The following ZNF382 variants were observed in gnomAD, a reference collection of about 807,000 sequenced individuals.
The protein encoded by ZNF382 is zinc finger protein 382, also known as KRAB/zinc finger suppressor protein 1.
ZNF382 carries 20 observed loss-of-function variants against 38.8 expected under a neutral mutation model. The ratio of observed to expected loss-of-function variants is 0.51; its 90% confidence interval spans 0.36 to 0.75. ZNF382 has a LOEUF of 0.75. ZNF382 is among the 30% of genes least tolerant of loss of function. ZNF382 has a pLI of 0.00. For synonymous variants in ZNF382, 202 were observed against 223.1 expected, an observed-to-expected ratio of 0.91 and a Z score of 0.84; for missense variants, 546 against 654.1, an observed-to-expected ratio of 0.83 and a Z score of 1.80.
chr19:36,616,373 C>G (rs2037126169), intron 4 of ZNF382, among the ~76,000 whole-genome samples: 1 of 152,132 alleles, frequency 6.6e-6, no homozygotes, highest in Non-Finnish European at 1.5e-5. Flanking sequence ...CTCTAAATAA[C>G]TAAAATGTTT....
chr19:36,621,229 C>T (rs28738786), intron 4 of ZNF382, among the ~76,000 whole-genome samples: 12 of 150,614 alleles, frequency 8.0e-5, no homozygotes, highest in Non-Finnish European at 1.8e-4. Context: ...TTCTTATATT[C>T]TGATTTGCCA....
rs2037255791 is a variant in ZNF382, at chr19:36,631,786, C to T, written c.*4236C>T. The T allele has an allele frequency of 6.6e-6, 1 of 152,082 alleles. No homozygotes were observed. Among genetic ancestry groups the T allele is most frequent in the Non-Finnish European group, 1.5e-5 (1 of 68,042 alleles). The allele number at this position is 152,082 out of a possible 1,614,324, so 9.4% of individuals were successfully genotyped here. On this transcript the variant is annotated 3_prime_UTR_variant, in exon 5 of 5. Transcript: ENST00000292928. ...TTTTTCATCTAACTTATATATTGCT[C>T]AATGAAGTTTGGGCAACTCTAAGGA...
intron 4 of ZNF382, among the ~76,000 whole-genome samples, chr19:36,614,920 T>TTTCCTTTCCTTTCCTTTCCTTCCC (rs1263587357): frequency 1.7e-5 from 1 of 57,514 alleles, no homozygotes. Flanking sequence ...TTTCCTTCCC[T>TTTCCTTTCCTTTCCTTTCCTTCCC]TTCCCTTTCC....
At chr19:36,623,132 G>A (rs2037182505) in intron 4 of ZNF382, among the ~76,000 whole-genome samples, 1 of 152,106 alleles carries the variant, frequency 6.6e-6, no homozygotes, top group Non-Finnish European at 1.5e-5. Context: ...CAGAGGCCAT[G>A]TATCCAGTAG....
At chr19:36,606,204 G>C (rs1426433603) in intron 1 of ZNF382, among the ~76,000 whole-genome samples, 1 of 152,026 alleles carries the variant, frequency 6.6e-6, no homozygotes, top group African/African-American at 2.4e-5. Flanking sequence ...CAGTATCAGA[G>C]GGGAAGAGAT....
intron 4 of ZNF382, among the ~76,000 whole-genome samples, chr19:36,616,409 G>A (rs748851441): frequency 1.3e-5 from 2 of 152,082 alleles, no homozygotes; most frequent in African/African-American, 2.4e-5. Context: ...ACCATCTAGA[G>A]GTAAGAAAAT....
intron 4 of ZNF382, among the ~76,000 whole-genome samples, chr19:36,622,722 A>G (rs2037179593): frequency 6.6e-6 from 1 of 152,172 alleles, no homozygotes; most frequent in Non-Finnish European, 1.5e-5. Context: ...CTGGCCAGCC[A>G]AAGACTCCCC....
intron 4 of ZNF382, among the ~76,000 whole-genome samples, chr19:36,612,032 G>A (rs1178197221): frequency 6.6e-6 from 1 of 152,170 alleles, no homozygotes; most frequent in Non-Finnish European, 1.5e-5. Context: ...TGTACATAGA[G>A]ATGTAAAGTG....
rs2037239642 is a variant in ZNF382, at chr19:36,629,443, C to T, written c.*1893C>T. ...TTCAGATGACTGTGGACCCTGCTAA[C>T]ACCCAACTGGTACCACAAATGAGAC... is the stretch of plus-strand genomic sequence containing the variant. On this transcript the variant is annotated 3_prime_UTR_variant, in exon 5 of 5. Coordinates refer to ENST00000292928, the MANE Select transcript of ZNF382 (RefSeq NM_032825.5). The T allele has an allele frequency of 1.3e-5, 2 of 152,164 alleles. No homozygotes were observed. Among genetic ancestry groups the T allele is most frequent in the Non-Finnish European group, 2.9e-5 (2 of 68,034 alleles). The allele number at this position is 152,164 out of a possible 1,614,324, so 9.4% of individuals were successfully genotyped here.
At chr19:36,616,458 G>A (rs1320995691) in intron 4 of ZNF382, among the ~76,000 whole-genome samples, 1 of 152,270 alleles carries the variant, frequency 6.6e-6, no homozygotes, top group East Asian at 1.9e-4. Flanking sequence ...ACATACATAG[G>A]CGGACAGACC....
At chr19:36,617,457 A>G (rs2037134146) in intron 4 of ZNF382, among the ~76,000 whole-genome samples, 1 of 152,100 alleles carries the variant, frequency 6.6e-6, no homozygotes, top group Non-Finnish European at 1.5e-5. Flanking sequence ...GTCAGTCAGG[A>G]GTGAAGACCA....
chr19:36,615,152 A>T (rs895998639), intron 4 of ZNF382, among the ~76,000 whole-genome samples: 1 of 151,296 alleles, frequency 6.6e-6, no homozygotes, highest in African/African-American at 2.4e-5. Context: ...TGCCCAGCTA[A>T]TTTTTGTATT....
rs2037231530 is a variant in ZNF382, at chr19:36,628,304, C to G, written c.*754C>G. On this transcript the variant is annotated 3_prime_UTR_variant, in exon 5 of 5. Transcript: ENST00000292928. ...TCTTGGTGTACATACATGTATTTCT[C>G]TTGTGTATATACTTAGGAGTGGAAT... is the stretch of plus-strand genomic sequence containing the variant. 6.6e-6 allele frequency: 1 copy of G among 152,384 alleles called. No individual in the cohort carries two copies. Among genetic ancestry groups the G allele is most frequent in the South Asian group, 2.1e-4 (1 of 4,824 alleles). The allele number at this position is 152,384 out of a possible 1,614,324, so 9.4% of individuals were successfully genotyped here. A position where few individuals can be genotyped will look rare whatever the true frequency, so the allele number is the denominator to read the frequency against.
intron 1 of ZNF382, among the ~76,000 whole-genome samples, chr19:36,606,963 G>A (rs1446110079): frequency 1.3e-5 from 2 of 151,474 alleles, no homozygotes; most frequent in African/African-American, 4.9e-5. Flanking sequence ...TGTAATCCCA[G>A]CTACTCAGGA....
rs893760696 is a variant in ZNF382, at chr19:36,622,581, GT to G, written c.233-3544del. Among the ~76,000 whole-genome samples, 215 of 152,296 alleles carry G rather than the reference GT, an allele frequency of 1.4e-3. 1 individual carries two copies. Among genetic ancestry groups the G allele is most frequent in the African/African-American group, 4.9e-3 (205 of 41,572 alleles). Reference sequence around the variant, plus strand: ...GCTCAGCACAGCCTCAGTGTCCAAAGTTTTTATTGGGGCTCCATCAAATAGG... The same window carrying G: ...GCTCAGCACAGCCTCAGTGTCCAAAGTTTTATTGGGGCTCCATCAAATAGG... On this transcript the variant is annotated intron_variant, in intron 4 of 4. Coordinates refer to ENST00000292928, the MANE Select transcript of ZNF382 (RefSeq NM_032825.5).
At chr19:36,624,857 G>A (rs1310043353) in intron 4 of ZNF382, among the ~76,000 whole-genome samples, 1 of 151,120 alleles carries the variant, frequency 6.6e-6, no homozygotes, top group Non-Finnish European at 1.5e-5. Flanking sequence ...TTGAGGCCAG[G>A]AGTTCGCGAC....
At chr19:36,606,725 A>T (rs1471310858) in intron 1 of ZNF382, among the ~76,000 whole-genome samples, 1 of 152,004 alleles carries the variant, frequency 6.6e-6, no homozygotes, top group African/African-American at 2.4e-5. Flanking sequence ...GCTTGCTAAG[A>T]TAATAAAAAG....
chr19:36,627,043 T>C lies in ZNF382; in HGVS notation c.1146T>C (p.Cys382=). 1 of 1,613,780 alleles carries C rather than the reference T, an allele frequency of 6.2e-7. No individual in the cohort carries two copies. The highest frequency in any genetic ancestry group is 1.1e-5 in the South Asian group (1 of 91,070). The stretch of plus-strand genomic sequence containing the variant: ...ATACGGGGGAGAAAGCCTATGAATG[T>C]CCTCAGTGTGGAAGTGCCTTTAGGA... ...KTHTGEKAYE[C]PQCGSAFRKK... is the part of the protein sequence containing the mutation. Residue 382 remains cysteine, a synonymous_variant, in exon 5 of 5, where the codon TGT becomes TGC. Transcript: ENST00000292928.
chr19:36,609,307 T>C (rs1345052436), intron 2 of ZNF382: 3 of 152,202 alleles, frequency 2.0e-5, no homozygotes, highest in African/African-American at 7.2e-5. Context: ...ACCACTGTTC[T>C]GTAGGAAAAA....
Sources: gnomAD v4.1 joint callset for allele counts (sites outside exome capture counted in the v4.1 genomes callset) on GRCh38, gnomAD v4.1.1 for gene constraint, MANE v1.5 for transcripts, NCBI Gene and HGNC (gene_info 2026-07-23, HGNC 2026-07-21) for gene names.